Variants in TNKS1BP1 observed in about 807,000 individuals in gnomAD.
The protein encoded by TNKS1BP1 is 182 kDa tankyrase-1-binding protein.
TNKS1BP1 carries 48 observed loss-of-function variants against 141.1 expected under a neutral mutation model. That is an observed-to-expected ratio of 0.34 (90% CI 0.27 to 0.43). TNKS1BP1 has a LOEUF of 0.43. Among genes scored for constraint, TNKS1BP1 ranks in the 20% least tolerant of loss-of-function variants. TNKS1BP1 has a pLI of 1.00. For synonymous variants in TNKS1BP1, 875 were observed against 898.2 expected (o/e 0.97, Z 0.46); for missense variants, 2,149 against 2,226.0 (o/e 0.97, Z 0.70).
At chr11:57,301,207 G>A (rs1032668565) in intron 9 of TNKS1BP1, among the ~76,000 whole-genome samples, 166 bp from the exon 10 acceptor site, 2 of 152,112 alleles carry the variant, frequency 1.3e-5, no homozygotes, top group Non-Finnish European at 2.9e-5. Context: ...TGCACTTCCC[G>A]CAGAACTGAG....
At position 57,301,736 on chromosome 11, in the gene TNKS1BP1, A is replaced by G. The variant is rs890403187; in HGVS notation, c.4971+71T>C. 3 of 1,560,978 alleles carry G rather than the reference A, an allele frequency of 1.9e-6. No homozygotes were observed. The African/African-American group carries it at 4.1e-5, about 21-fold the overall frequency. On this transcript the variant is annotated intron_variant, in intron 9 of 11. Transcript: ENST00000358252. Reference sequence around the variant, plus strand: ...GGGGAATGAATTGATGGATGAAGAGAAGAAAGACAGCATGCAAGGTGGCCA... The same window carrying G: ...GGGGAATGAATTGATGGATGAAGAGGAGAAAGACAGCATGCAAGGTGGCCA...
chr11:57,310,334 T>A lies in TNKS1BP1; in HGVS notation c.2377A>T (p.Arg793Trp). 1 of 1,614,054 alleles carries A rather than the reference T, an allele frequency of 6.2e-7. No individual in the cohort carries two copies. Among genetic ancestry groups the A allele is most frequent in the East Asian group, 2.2e-5 (1 of 44,886 alleles). Residue 793 changes from arginine to tryptophan, a missense_variant, in exon 6 of 12, where the codon AGG (arginine) becomes TGG (tryptophan). By Grantham distance (101) the Arg-to-Trp change is moderately radical (BLOSUM62 -3). Coordinates refer to ENST00000358252, the MANE Select transcript of TNKS1BP1 (RefSeq NM_033396.3). ...GEGSTREWASRCGIGQEEMEA... is the reference protein window; with the variant it reads ...GEGSTREWASWCGIGQEEMEA... The stretch of plus-strand genomic sequence containing the variant: ...ATCTCCTCCTGGCCGATGCCACACC[T>A]GCTGGCCCACTCCCTGGTGCTCCCT...
At chr11:57,315,025 G>A (rs542168438) in intron 4 of TNKS1BP1, among the ~76,000 whole-genome samples, 98 of 152,046 alleles carry the variant, frequency 6.4e-4, no homozygotes, top group African/African-American at 2.1e-3. Context: ...AACCATAACC[G>A]CTGCATCACT....
At chr11:57,305,113 G>A (rs970706471) in intron 6 of TNKS1BP1, among the ~76,000 whole-genome samples, 4 of 152,012 alleles carry the variant, frequency 2.6e-5, no homozygotes, top group African/African-American at 4.8e-5. Context: ...AGCCCCTCCC[G>A]GCATGGGAGC....
rs768882345 is a variant in TNKS1BP1 at position 57,313,127 on chromosome 11, C to T, written c.1561G>A (p.Glu521Lys). 1 of 1,613,258 alleles carries T rather than the reference C, an allele frequency of 6.2e-7. No individual in the cohort carries two copies. Among genetic ancestry groups the T allele is most frequent in the Non-Finnish European group, 8.5e-7 (1 of 1,180,038 alleles). The change falls in exon 5 of 12, where the codon GAA becomes AAA. Residue 521 changes from glutamate to lysine, a missense_variant. Coordinates refer to ENST00000358252, the MANE Select transcript of TNKS1BP1 (RefSeq NM_033396.3). ...TGCCCCTGCTGAGACACTCCTTCTT[C>T]CCTGCTGGAAACGGCCAAGTTGCCA... ...EAGNLAVSSR[E>K]EGVSQQGQGA...
intron 2 of TNKS1BP1, 132 bp from the exon 3 acceptor site, chr11:57,320,844 T>C (rs552682071): frequency 5.6e-6 from 6 of 1,075,272 alleles, no homozygotes; most frequent in Admixed American, 6.5e-5. Context: ...ACAAGTCATA[T>C]GCCACCTCTT....
intron 6 of TNKS1BP1, among the ~76,000 whole-genome samples, chr11:57,303,951 T>C (rs911979271): frequency 9.9e-5 from 15 of 152,034 alleles, no homozygotes; most frequent in African/African-American, 3.4e-4. Flanking sequence ...GCCCGCCCTG[T>C]CCAGCGGCCA....
Position 57,313,282 on chromosome 11 carries a change from T to C in TNKS1BP1, c.1406A>G (p.Asn469Ser), listed in dbSNP as rs752959767. ...ALDRPFGAES[N>S]WSLSQSFEWT... ...TTCGAAGGACTGTGATAAGCTCCAG[T>C]TGGACTCTGCCCCAAAGGGACGATC... Residue 469 changes from asparagine to serine, a missense_variant, in exon 5 of 12, where the codon AAC becomes AGC. Asn to Ser is a conservative substitution (Grantham distance 46, BLOSUM62 1). Coordinates refer to ENST00000358252, the MANE Select transcript of TNKS1BP1 (RefSeq NM_033396.3). 6.2e-6 allele frequency: 10 copies of C among 1,612,860 alleles called. No homozygotes were observed. In the East Asian group the frequency reaches 1.6e-4, roughly 25 times the overall value.
intron 2 of TNKS1BP1, 115 bp from the exon 3 acceptor site, chr11:57,320,827 T>C: frequency 1.6e-6 from 2 of 1,271,428 alleles, no homozygotes; most frequent in South Asian, 3.4e-5. Flanking sequence ...TTCACATCTT[T>C]CTAGGCACAA....
intron 1 of TNKS1BP1, among the ~76,000 whole-genome samples, chr11:57,324,300 G>T (rs1351333414): frequency 2.0e-5 from 3 of 152,214 alleles, no homozygotes; most frequent in Non-Finnish European, 4.4e-5. Flanking sequence ...TGTCTGGAGG[G>T]GCCCAGTGGG....
In TNKS1BP1 at chr11:57,313,613, C is replaced by T. The variant is rs766945602; in HGVS notation, c.1075G>A (p.Glu359Lys). The T allele has an allele frequency of 1.4e-5, 23 of 1,592,748 alleles. No individual in the cohort carries two copies. The highest frequency in any genetic ancestry group is 1.9e-5 in the Non-Finnish European group (22 of 1,169,768). The change falls in exon 5 of 12, where the codon GAG (glutamate) becomes AAG (lysine). Residue 359 changes from glutamate (E) to lysine (K), a missense_variant. Transcript: ENST00000358252. ...GGTCTGGGGGCCTCTGGAGCCCCCT[C>T]GGCAGGGAGCCCCGGGCTGGGGGTG... ...RHTPSPGLPA[E>K]GAPEAPRPSS...
rs1855674242 is a variant in TNKS1BP1, at chr11:57,309,736, T to C, written c.2975A>G (p.Gln992Arg). The C allele has an allele frequency of 6.2e-7, 1 of 1,614,130 alleles. No individual in the cohort carries two copies. Among genetic ancestry groups the C allele is most frequent in the Admixed American group, 1.7e-5 (1 of 60,012 alleles). ...LSSGFSPEEA[Q>R]QQDEEFEKKI... ...CTTCTCAAATTCCTCATCCTGTTGC[T>C]GGGCTTCCTCGGGGCTGAACCCAGA... is the stretch of plus-strand genomic sequence containing the variant. The change falls in exon 6 of 12, where the codon CAG becomes CGG. Residue 992 changes from glutamine to arginine, a missense_variant. Coordinates refer to ENST00000358252, the MANE Select transcript of TNKS1BP1 (RefSeq NM_033396.3). This position sits in a 1 kb window ranked among gnomAD's most constrained non-coding sequence, Gnocchi z 4.3.
chr11:57,308,416 T>C lies in TNKS1BP1; in HGVS notation c.4295A>G (p.Glu1432Gly). The change falls in exon 6 of 12, where the codon GAA (glutamate) becomes GGA (glycine). Residue 1432 changes from glutamate to glycine, a missense_variant. Transcript: ENST00000358252. Reference protein sequence around the residue: ...HPADPGMETGEALSFGASPGR... With the variant: ...HPADPGMETGGALSFGASPGR... ...TTACCTTGCTCCGAAGCTGAGGGCTTCTCCTGTCTCCATTCCAGGGTCTGC... is the reference window on the plus strand; with the variant it reads ...TTACCTTGCTCCGAAGCTGAGGGCTCCTCCTGTCTCCATTCCAGGGTCTGC... 1 of 1,613,834 alleles carries C rather than the reference T, an allele frequency of 6.2e-7. No individual in the cohort carries two copies. Among genetic ancestry groups the C allele is most frequent in the Non-Finnish European group, 8.5e-7 (1 of 1,179,816 alleles).
rs199784222 is a variant in TNKS1BP1, at chr11:57,313,576, G to T, written c.1112C>A (p.Pro371His). 7.4e-5 allele frequency: 117 copies of T among 1,591,272 alleles called. No homozygotes were observed. The highest frequency in any genetic ancestry group is 6.2e-5 in the Non-Finnish European group (73 of 1,170,464). Reference sequence around the variant, plus strand: ...GCTATGGGGCTCCAAGACCTCAGGGGGTGGGCTGCTGGGTCTGGGGGCCTC... The same window carrying T: ...GCTATGGGGCTCCAAGACCTCAGGGTGTGGGCTGCTGGGTCTGGGGGCCTC... ...APEAPRPSSP[P>H]PEVLEPHSLD... Residue 371 changes from proline to histidine, a missense_variant, in exon 5 of 12, where the codon CCC becomes CAC. By Grantham distance (77) the Pro-to-His change is moderately conservative. Transcript: ENST00000358252.
chr11:57,313,385 A>G lies in TNKS1BP1; in HGVS notation c.1303T>C (p.Ser435Pro). The change falls in exon 5 of 12, where the codon TCA (serine) becomes CCA (proline). Residue 435 changes from serine to proline, a missense_variant. Coordinates refer to ENST00000358252, the MANE Select transcript of TNKS1BP1 (RefSeq NM_033396.3). ...AGCTTCTCCTGGTCCTGACTGGGTGACTGGAGCACACCTTCAGAGAATCGG... is the reference window on the plus strand; with the variant it reads ...AGCTTCTCCTGGTCCTGACTGGGTGGCTGGAGCACACCTTCAGAGAATCGG... ...QRRFSEGVLQ[S>P]PSQDQEKLGG... 6.2e-7 allele frequency: 1 copy of G among 1,612,482 alleles called. No homozygotes were observed. Among genetic ancestry groups the G allele is most frequent in the African/African-American group, 1.3e-5 (1 of 75,058 alleles).
chr11:57,321,464 G>A (rs1156751740), intron 2 of TNKS1BP1, among the ~76,000 whole-genome samples: 1 of 152,188 alleles, frequency 6.6e-6, no homozygotes, highest in East Asian at 1.9e-4. Flanking sequence ...AAGGAGCCAG[G>A]AGGTCTGGGT....
intron 5 of TNKS1BP1, among the ~76,000 whole-genome samples, chr11:57,310,768 A>T (rs1213676018): frequency 6.6e-6 from 1 of 152,122 alleles, no homozygotes; most frequent in Non-Finnish European, 1.5e-5. Context: ...GGCTGGTGTG[A>T]GAGGATTAAA....
At chr11:57,307,096 G>T (rs1437129556) in intron 6 of TNKS1BP1, among the ~76,000 whole-genome samples, 1 of 152,124 alleles carries the variant, frequency 6.6e-6, no homozygotes, top group Admixed American at 6.5e-5. Context: ...GATCAATGAG[G>T]TAAGACGTGT....
intron 10 of TNKS1BP1, 51 bp from the exon 11 acceptor site, chr11:57,300,651 C>T (rs534258908): frequency 6.2e-7 from 1 of 1,610,502 alleles, no homozygotes; most frequent in South Asian, 1.1e-5. Context: ...GGAAACTGAA[C>T]ACAACAAGGA....
Sources: allele counts gnomAD v4.1 joint callset (sites outside exome capture counted in the v4.1 genomes callset), GRCh38; gene constraint gnomAD v4.1.1; non-coding constraint Gnocchi (gnomAD v3.1); transcripts MANE v1.5; gene names NCBI Gene and HGNC (gene_info 2026-07-23, HGNC 2026-07-21).